MAGI1: variants seen among roughly 807,000 people sequenced by gnomAD.
MAGI1 encodes the protein membrane associated guanylate kinase, WW and PDZ domain containing 1, also known as membrane-associated guanylate kinase, WW and PDZ domain-containing protein 1.
A neutral mutation model predicts 139.9 loss-of-function variants in MAGI1; 58 were observed. That is an observed-to-expected ratio of 0.41 (90% confidence interval 0.34 to 0.52). The LOEUF is 0.52. MAGI1 is among the 20% of genes least tolerant of loss of function. The pLI is 0.12. For synonymous variants in MAGI1, 812 were observed against 737.9 expected (o/e 1.10, Z -1.63); for missense variants, 1,874 against 1,901.6 (o/e 0.99, Z 0.27).
chr3:65,438,456 C>A (rs563468386), intron 9 of MAGI1, among the ~76,000 whole-genome samples: 1 of 152,266 alleles, frequency 6.6e-6, no homozygotes, highest in South Asian at 2.1e-4. Flanking sequence ...CACTAAAAGT[C>A]CACACTTCAC....
intron 2 of MAGI1, among the ~76,000 whole-genome samples, chr3:65,496,720 G>T (rs1378847608): frequency 6.6e-6 from 1 of 152,200 alleles, no homozygotes; most frequent in East Asian, 1.9e-4. Context: ...TGCATGTGGG[G>T]CTTAATACAA....
chr3:65,809,799 G>A (rs1258914433), intron 1 of MAGI1, among the ~76,000 whole-genome samples: 1 of 152,112 alleles, frequency 6.6e-6, no homozygotes, highest in Non-Finnish European at 1.5e-5. Flanking sequence ...GTTTTGTCTT[G>A]CACAGAAATT....
intron 2 of MAGI1, among the ~76,000 whole-genome samples, chr3:65,614,070 C>A (rs1392962296): frequency 1.3e-5 from 2 of 152,126 alleles, no homozygotes; most frequent in Admixed American, 6.6e-5. Context: ...GAGTAACCTG[C>A]CCAAGCCAAC....
At chr3:65,650,610 G>A (rs114179295) in intron 1 of MAGI1, among the ~76,000 whole-genome samples, 12 of 152,308 alleles carry the variant, frequency 7.9e-5, no homozygotes, top group Non-Finnish European at 1.2e-4. Context: ...GATTTCCAAC[G>A]TCTGGCCTCC....
chr3:65,506,819 G>A (rs566852630), intron 2 of MAGI1, among the ~76,000 whole-genome samples: 2 of 152,042 alleles, frequency 1.3e-5, no homozygotes, highest in South Asian at 2.1e-4. Flanking sequence ...GATATAAAAC[G>A]AGAAATAAAT....
intron 1 of MAGI1, among the ~76,000 whole-genome samples, chr3:65,970,230 T>C (rs1449349897): frequency 6.6e-6 from 1 of 152,190 alleles, no homozygotes; most frequent in Non-Finnish European, 1.5e-5. Flanking sequence ...AAGTGAACTA[T>C]GCCGATCACA....
intron 1 of MAGI1, among the ~76,000 whole-genome samples, chr3:65,846,818 T>C (rs895358615): frequency 1.6e-4 from 24 of 152,144 alleles, no homozygotes; most frequent in African/African-American, 5.5e-4. Context: ...TTATACCACA[T>C]TGCCTCTGTG....
chr3:65,691,840 G>A (rs2088689629), intron 1 of MAGI1, among the ~76,000 whole-genome samples: 2 of 152,094 alleles, frequency 1.3e-5, no homozygotes. Flanking sequence ...ATGGCTAACT[G>A]GACTGAAATC....
At chr3:65,642,632 G>T (rs2107251091) in intron 1 of MAGI1, among the ~76,000 whole-genome samples, 1 of 152,296 alleles carries the variant, frequency 6.6e-6, no homozygotes, top group Non-Finnish European at 1.5e-5. Context: ...AATCATGAAA[G>T]TAAATCGGTT....
intron 1 of MAGI1, among the ~76,000 whole-genome samples, chr3:65,666,869 T>G (rs536299559): frequency 6.6e-6 from 1 of 152,198 alleles, no homozygotes; most frequent in Non-Finnish European, 1.5e-5. Flanking sequence ...CCTTTGCTCA[T>G]GACCACAGGC....
intron 6 of MAGI1, among the ~76,000 whole-genome samples, chr3:65,448,829 T>A (rs1460384952): frequency 6.6e-6 from 1 of 152,092 alleles, no homozygotes; most frequent in Non-Finnish European, 1.5e-5. Context: ...GACCTCGTCC[T>A]CTTGCTGTCA....
In MAGI1 at chr3:65,849,001, C is replaced by CTTTTTTTTTTTT. The variant is rs558270441; in HGVS notation, c.313+188983_313+188994dup. Among the ~76,000 whole-genome samples the CTTTTTTTTTTTT allele has an allele frequency of 3.8e-4, 15 of 39,646 alleles. 1 individual carries two copies. The highest frequency in any genetic ancestry group is 4.6e-4 in the Non-Finnish European group (10 of 21,512). 26.0% of individuals were successfully genotyped at this position (39,646 alleles called of 152,430 possible). On this transcript the variant is annotated intron_variant, in intron 1 of 22. Transcript: ENST00000402939. ...GCAGCTCAAGACTATTCAGAGCATT[C>CTTTTTTTTTTTT]TTTTTTTTTTTTTTTTTTTTTTTTT...
intron 1 of MAGI1, among the ~76,000 whole-genome samples, chr3:65,674,801 A>G (rs984186055): frequency 6.6e-6 from 1 of 152,196 alleles, no homozygotes; most frequent in African/African-American, 2.4e-5. Context: ...ACTACAGCAA[A>G]AGCTTCAAGG....
intron 1 of MAGI1, among the ~76,000 whole-genome samples, chr3:65,750,691 A>T (rs6787013): frequency 0.3 from 46,255 of 152,056 alleles, 7,767 homozygotes; most frequent in East Asian, 0.55. Flanking sequence ...GTCCAATCCC[A>T]AATCTATAAC....
intron 1 of MAGI1, among the ~76,000 whole-genome samples, chr3:65,764,566 T>G (rs1355299459): frequency 6.6e-6 from 1 of 152,212 alleles, no homozygotes; most frequent in African/African-American, 2.4e-5. Flanking sequence ...CCTTAAAGTT[T>G]TAAAAAAGGC....
intron 1 of MAGI1, among the ~76,000 whole-genome samples, chr3:66,013,639 T>C (rs980227193): frequency 1.9e-4 from 29 of 151,038 alleles, no homozygotes; most frequent in Non-Finnish European, 2.7e-4. Flanking sequence ...CGGGCACCTG[T>C]AGTCCCAGCT....
intron 4 of MAGI1, among the ~76,000 whole-genome samples, chr3:65,477,711 AT>A (rs60679864): frequency 7.8e-4 from 111 of 141,608 alleles, no homozygotes; most frequent in African/African-American, 2.8e-3. Context: ...TATTATTATT[AT>A]TTTTTTTTTT....
intron 4 of MAGI1, among the ~76,000 whole-genome samples, chr3:65,476,765 A>G (rs1241805606): frequency 1.5e-5 from 2 of 133,082 alleles, no homozygotes; most frequent in Non-Finnish European, 3.3e-5. Flanking sequence ...CAAAATATCA[A>G]GGCATTAAAG....
intron 2 of MAGI1, among the ~76,000 whole-genome samples, chr3:65,506,678 T>C (rs759324903): frequency 5.9e-5 from 9 of 152,198 alleles, no homozygotes; most frequent in Non-Finnish European, 7.4e-5. Flanking sequence ...TGCCTACTTA[T>C]TGAAATATAA....
Sources: gnomAD v4.1 joint callset for allele counts (sites outside exome capture counted in the v4.1 genomes callset) on GRCh38, gnomAD v4.1.1 for gene constraint, MANE v1.5 for transcripts, NCBI Gene and HGNC (gene_info 2026-07-23, HGNC 2026-07-21) for gene names.